The following KCNIP4 variants were observed in gnomAD, a reference collection of about 807,000 sequenced individuals.
KCNIP4 encodes Kv channel-interacting protein 4.
A neutral mutation model predicts 34.0 loss-of-function variants in KCNIP4; 12 were observed. The observed-to-expected ratio is 0.35, with a 90% CI of 0.23 to 0.57. KCNIP4 has a LOEUF of 0.57. Among genes scored for constraint, KCNIP4 ranks in the 20% least tolerant of loss-of-function variants. The probability of loss-of-function intolerance (pLI) is 0.83; values close to 1 mark genes in which losing one functional copy is unlikely to be tolerated. For synonymous variants in KCNIP4, 124 were observed against 102.2 expected (o/e 1.21, Z -1.29); for missense variants, 238 against 311.7 (o/e 0.76, Z 1.78).
intron 1 of KCNIP4, among the ~76,000 whole-genome samples, chr4:21,612,255 T>C (rs572910080): frequency 1.3e-5 from 2 of 152,314 alleles, no homozygotes; most frequent in East Asian, 3.9e-4. Context: ...CAAATGGAGC[T>C]GGGTTGCATT....
chr4:20,981,537 A>T (rs1221819946), intron 1 of KCNIP4, among the ~76,000 whole-genome samples: 2 of 152,170 alleles, frequency 1.3e-5, no homozygotes, highest in Non-Finnish European at 2.9e-5. Flanking sequence ...ACTGTGTAGG[A>T]TTCAGTAGTC....
chr4:20,864,174 A>ATATC (rs1722580062), intron 2 of KCNIP4, among the ~76,000 whole-genome samples: 1 of 71,966 alleles, frequency 1.4e-5, no homozygotes, highest in Non-Finnish European at 3.6e-5. Context: ...GTATGTATAC[A>ATATC]CATGTATGTA....
At chr4:20,873,340 T>C (rs1268721871) in intron 2 of KCNIP4, among the ~76,000 whole-genome samples, 1 of 152,190 alleles carries the variant, frequency 6.6e-6, no homozygotes, top group African/African-American at 2.4e-5. Flanking sequence ...GCAGTAAATA[T>C]TAAGAGTAAT....
At chr4:21,925,101 T>C (rs1030080051) in intron 1 of KCNIP4, among the ~76,000 whole-genome samples, 9 of 152,146 alleles carry the variant, frequency 5.9e-5, no homozygotes, top group African/African-American at 1.9e-4. Flanking sequence ...ATTATTATTA[T>C]ACTTTAAGTT....
At chr4:21,399,608 T>A (rs10023854) in intron 1 of KCNIP4, among the ~76,000 whole-genome samples, 3,563 of 152,168 alleles carry the variant, frequency 0.023, 162 homozygotes, top group African/African-American at 0.082. Flanking sequence ...GCTTGCCAGA[T>A]AAAATACAGG....
At chr4:21,840,507 T>C (rs2109319562) in intron 1 of KCNIP4, among the ~76,000 whole-genome samples, 1 of 152,274 alleles carries the variant, frequency 6.6e-6, no homozygotes, top group South Asian at 2.1e-4. Context: ...ACCAAATGGC[T>C]CAAGATGGTG....
At chr4:21,673,697 A>G (rs1481948529) in intron 1 of KCNIP4, among the ~76,000 whole-genome samples, 1 of 152,164 alleles carries the variant, frequency 6.6e-6, no homozygotes, top group Non-Finnish European at 1.5e-5. Context: ...CAACTATACT[A>G]CCGTACTATA....
intron 1 of KCNIP4, among the ~76,000 whole-genome samples, chr4:21,242,430 G>T (rs1759900764): frequency 6.6e-6 from 1 of 152,112 alleles, no homozygotes; most frequent in Non-Finnish European, 1.5e-5. Context: ...AGTCATGGTG[G>T]TTAGTTTTCT....
At chr4:20,939,390 A>T (rs973787656) in intron 1 of KCNIP4, among the ~76,000 whole-genome samples, 28 of 151,664 alleles carry the variant, frequency 1.8e-4, no homozygotes, top group Non-Finnish European at 3.7e-4. Context: ...TTATTTATTT[A>T]TTTTTTGAGA....
At chr4:21,512,809 G>A (rs1011931058) in intron 1 of KCNIP4, among the ~76,000 whole-genome samples, 1 of 152,086 alleles carries the variant, frequency 6.6e-6, no homozygotes, top group African/African-American at 2.4e-5. Flanking sequence ...ACTGAATAAA[G>A]GTCTACATAA....
chr4:21,325,554 A>G (rs935578537), intron 1 of KCNIP4, among the ~76,000 whole-genome samples: 1 of 151,618 alleles, frequency 6.6e-6, no homozygotes, highest in African/African-American at 2.4e-5. Flanking sequence ...TACAAACTTT[A>G]TGTTTCATTG....
At chr4:20,843,416 A>C (rs1719981048) in intron 3 of KCNIP4, among the ~76,000 whole-genome samples, 1 of 152,182 alleles carries the variant, frequency 6.6e-6, no homozygotes, top group African/African-American at 2.4e-5. Flanking sequence ...AATGTTTAGC[A>C]TGACATTTTA....
At chr4:21,582,956 C>T (rs1741346234) in intron 1 of KCNIP4, among the ~76,000 whole-genome samples, 1 of 151,870 alleles carries the variant, frequency 6.6e-6, no homozygotes, top group Non-Finnish European at 1.5e-5. Flanking sequence ...TTCAAAGATT[C>T]TCATTGCCTT....
chr4:21,588,197 A>G (rs1741800837), intron 1 of KCNIP4, among the ~76,000 whole-genome samples: 1 of 152,088 alleles, frequency 6.6e-6, no homozygotes, highest in African/African-American at 2.4e-5. Flanking sequence ...TTAAGATATA[A>G]AATAAAATAA....
chr4:20,924,306 C>G (rs938322429), intron 1 of KCNIP4, among the ~76,000 whole-genome samples: 1 of 152,126 alleles, frequency 6.6e-6, no homozygotes, highest in African/African-American at 2.4e-5. Flanking sequence ...CTCCATGTAT[C>G]AGTAATGCCA....
chr4:20,804,495 C>T lies in KCNIP4; in HGVS notation c.289-45605G>A, dbSNP rs183277521. ...ATATATATTCTATATAGCTCTTTTT[C>T]TTCTAAAACCACATATCTACAACCA... is the stretch of plus-strand genomic sequence containing the variant. On this transcript the variant is annotated intron_variant, in intron 3 of 8. Transcript: ENST00000382152. 4.6e-5 allele frequency among the ~76,000 whole-genome samples: 7 copies of T among 152,166 alleles called. No individual in the cohort carries two copies. The East Asian group carries it at 1.2e-3, about 25-fold the overall frequency.
intron 1 of KCNIP4, among the ~76,000 whole-genome samples, chr4:21,488,893 C>A (rs75568132): frequency 0.07 from 10,623 of 152,100 alleles, 449 homozygotes; most frequent in African/African-American, 0.087. Context: ...GGTATTCAGG[C>A]ACAGGGTCTT....
rs527337259 is a variant in KCNIP4 at position 20,903,201 on chromosome 4, G to A, written c.62-20492C>T. Among the ~76,000 whole-genome samples the A allele has an allele frequency of 2.2e-3, 336 of 152,262 alleles. 1 individual carries two copies. The highest frequency in any genetic ancestry group is 7.5e-3 in the African/African-American group (313 of 41,564). On this transcript the variant is annotated intron_variant, in intron 1 of 8. Coordinates refer to ENST00000382152, the MANE Select transcript of KCNIP4 (RefSeq NM_025221.6). ...ACTGCAAACTATCAAAGGCATACGA[G>A]GAATTTAACAATGCAAAATGAAATT...
intron 1 of KCNIP4, among the ~76,000 whole-genome samples, chr4:21,640,292 A>G (rs1483618098): frequency 1.3e-5 from 2 of 152,138 alleles, no homozygotes; most frequent in African/African-American, 4.8e-5. Context: ...TACTCCCATT[A>G]CATTTAAGTT....
Sources: allele counts gnomAD v4.1 joint callset (sites outside exome capture counted in the v4.1 genomes callset), GRCh38; gene constraint gnomAD v4.1.1; transcripts MANE v1.5; gene names NCBI Gene and HGNC (gene_info 2026-07-23, HGNC 2026-07-21).